The following NDUFAF6 variants were observed in gnomAD, a reference collection of about 807,000 sequenced individuals.
NDUFAF6 encodes NADH dehydrogenase (ubiquinone) complex I, assembly factor 6.
NDUFAF6 carries 45 observed loss-of-function variants against 40.8 expected under a neutral mutation model. The ratio of observed to expected loss-of-function variants is 1.10; its 90% CI spans 0.87 to 1.42. The LOEUF (loss-of-function observed/expected upper bound fraction) is 1.42. NDUFAF6 is among the 40% of genes most tolerant of loss of function. NDUFAF6 has a pLI of 0.00. For synonymous variants in NDUFAF6, 185 were observed against 155.9 expected (o/e 1.19, Z -1.39); for missense variants, 435 against 418.5 (o/e 1.04, Z -0.34).
chr8:94,940,021 A>G (rs757276158), intron 1 of NDUFAF6: 3 of 1,614,232 alleles, frequency 1.9e-6, no homozygotes, highest in South Asian at 1.1e-5. Context: ...CACCTGCAGT[A>G]AAACATGGGG....
At chr8:94,907,743 T>C (rs1435914651) in intron 1 of NDUFAF6, among the ~76,000 whole-genome samples, 1 of 152,210 alleles carries the variant, frequency 6.6e-6, no homozygotes, top group Non-Finnish European at 1.5e-5. Flanking sequence ...AATTTTCACA[T>C]CAGCCTCATA....
At position 95,055,733 on chromosome 8, in the gene NDUFAF6, C is replaced by G. The variant is rs139646205; in HGVS notation, c.874-2076C>G. 1.3e-3 allele frequency among the ~76,000 whole-genome samples: 196 copies of G among 152,258 alleles called. No individual in the cohort carries two copies. The Middle Eastern group carries it at 0.02, about 16-fold the overall frequency. On this transcript the variant is annotated intron_variant, in intron 8 of 8. Transcript: ENST00000396124. ...AAGAGAACATGTGAAAGAAAGTACA[C>G]TGAAATATTTTCAAAGTTTTTTATT...
intron 1 of NDUFAF6, among the ~76,000 whole-genome samples, chr8:94,964,113 T>G (rs1823816636): frequency 6.6e-6 from 1 of 151,990 alleles, no homozygotes; most frequent in Non-Finnish European, 1.5e-5. Flanking sequence ...GACCCTGTAT[T>G]AGTCTTTTTA....
intron 9 of NDUFAF6, among the ~76,000 whole-genome samples, chr8:95,074,641 T>C (rs959893833): frequency 2.6e-5 from 4 of 152,194 alleles, no homozygotes; most frequent in African/African-American, 9.7e-5. Flanking sequence ...ATCTAGCCAT[T>C]TTGACTTCCC....
At chr8:95,095,409 C>T (rs980988621), upstream of NDUFAF6, among the ~76,000 whole-genome samples, 1 of 152,142 alleles carries the variant, frequency 6.6e-6, no homozygotes, top group African/African-American at 2.4e-5. Flanking sequence ...CTTGGCCGCT[C>T]TCTGTGCCCA....
intron 1 of NDUFAF6, chr8:94,928,037 A>C (rs969084801): frequency 6.6e-6 from 1 of 152,356 alleles, no homozygotes. Flanking sequence ...TCTAATAACC[A>C]AGAGTTTCAA....
intron 2 of NDUFAF6, among the ~76,000 whole-genome samples, chr8:95,101,950 C>T (rs1441978699): frequency 6.6e-6 from 1 of 152,140 alleles, no homozygotes; most frequent in Admixed American, 6.6e-5. Flanking sequence ...GAGAGAGCAG[C>T]CACGTGATCA....
chr8:95,093,183 G>A (rs1298719365), intron 2 of NDUFAF6, among the ~76,000 whole-genome samples: 2 of 152,128 alleles, frequency 1.3e-5, no homozygotes, highest in Non-Finnish European at 2.9e-5. Flanking sequence ...TGGTGGATTT[G>A]CATTCTGACC....
intron 1 of NDUFAF6, among the ~76,000 whole-genome samples, chr8:94,912,957 G>A (rs1586628338): frequency 6.6e-6 from 1 of 152,174 alleles, no homozygotes; most frequent in Admixed American, 6.5e-5. Flanking sequence ...CCAGCCTGGC[G>A]ACAAAGCGAG....
chr8:95,023,856 T>C (rs1827804589), upstream of NDUFAF6, among the ~76,000 whole-genome samples: 1 of 152,142 alleles, frequency 6.6e-6, no homozygotes. Flanking sequence ...CTGGACGTGG[T>C]GGCGTGCACC....
intron 2 of NDUFAF6, among the ~76,000 whole-genome samples, chr8:95,009,321 G>C (rs554484360): frequency 6.6e-6 from 1 of 151,864 alleles, no homozygotes; most frequent in Admixed American, 6.6e-5. Context: ...ACCTCCATAC[G>C]TAAGCAAATA....
At chr8:95,005,301 T>G (rs1826913353) in intron 2 of NDUFAF6, among the ~76,000 whole-genome samples, 1 of 151,962 alleles carries the variant, frequency 6.6e-6, no homozygotes, top group Non-Finnish European at 1.5e-5. Context: ...TCAGGAACCA[T>G]TCACAAGGGT....
intron 2 of NDUFAF6, among the ~76,000 whole-genome samples, chr8:94,995,596 A>G (rs1054526219): frequency 1.3e-5 from 2 of 150,348 alleles, no homozygotes; most frequent in African/African-American, 4.9e-5. Context: ...TAAAACTTGA[A>G]AAAAAAAAAG....
At chr8:94,932,169 T>C (rs1820474501) in intron 1 of NDUFAF6, 3 of 1,549,408 alleles carry the variant, frequency 1.9e-6, no homozygotes, top group South Asian at 2.3e-5. Context: ...TATTGTAACT[T>C]TACTATTAGG....
At chr8:95,073,923 C>G (rs1280541707) in intron 9 of NDUFAF6, among the ~76,000 whole-genome samples, 2 of 152,154 alleles carry the variant, frequency 1.3e-5, no homozygotes, top group African/African-American at 4.8e-5. Flanking sequence ...GAAATTTGAA[C>G]CTGACTTGAT....
chr8:94,910,283 G>T (rs1162461071), intron 1 of NDUFAF6, among the ~76,000 whole-genome samples: 2 of 152,094 alleles, frequency 1.3e-5, no homozygotes, highest in Non-Finnish European at 2.9e-5. Context: ...CTCCCAAGTA[G>T]CTGGGATTAC....
intron 8 of NDUFAF6, among the ~76,000 whole-genome samples, chr8:95,053,775 A>G (rs1049395879): frequency 2.6e-5 from 4 of 151,464 alleles, no homozygotes; most frequent in African/African-American, 7.3e-5. Flanking sequence ...ACAGACATGC[A>G]CCACCATGCC....
At chr8:94,985,398 T>C (rs2131594775) in intron 2 of NDUFAF6, among the ~76,000 whole-genome samples, 1 of 144,192 alleles carries the variant, frequency 6.9e-6, no homozygotes, top group South Asian at 2.3e-4. Context: ...TCCTGATTAC[T>C]TAGGCCATTT....
intron 2 of NDUFAF6, among the ~76,000 whole-genome samples, chr8:95,014,754 T>C (rs1055913339): frequency 6.6e-6 from 1 of 152,210 alleles, no homozygotes; most frequent in South Asian, 2.1e-4. Context: ...ACAGCTAGGA[T>C]TTGGGGATCA....
Sources: gnomAD v4.1 joint callset for allele counts (sites outside exome capture counted in the v4.1 genomes callset) on GRCh38, gnomAD v4.1.1 for gene constraint, MANE v1.5 for transcripts, NCBI Gene and HGNC (gene_info 2026-07-23, HGNC 2026-07-21) for gene names.